The following KCNIP4 variants were observed in gnomAD, a reference collection of about 807,000 sequenced individuals.
The protein encoded by KCNIP4 is potassium voltage-gated channel interacting protein 4.
A neutral mutation model predicts 34.0 loss-of-function variants in KCNIP4; 12 were observed. The observed-to-expected ratio is 0.35, with a 90% CI of 0.23 to 0.57. The LOEUF (loss-of-function observed/expected upper bound fraction) is 0.57. KCNIP4 is among the 20% of genes least tolerant of loss of function. KCNIP4 has a pLI of 0.83. For missense variants in KCNIP4, 238 were observed against 311.7 expected (o/e 0.76, Z 1.78); for synonymous variants, 124 against 102.2 (o/e 1.21, Z -1.29).
intron 1 of KCNIP4, among the ~76,000 whole-genome samples, chr4:21,767,272 G>A (rs1809267): frequency 0.49 from 74,872 of 151,854 alleles, 20,389 homozygotes; most frequent in Non-Finnish European, 0.63. Flanking sequence ...GCCTTGTTGA[G>A]AGTGAGGGAG....
chr4:21,522,505 T>C (rs1187243083), intron 1 of KCNIP4, among the ~76,000 whole-genome samples: 1 of 152,016 alleles, frequency 6.6e-6, no homozygotes, highest in East Asian at 1.9e-4. Context: ...TGACTAAATG[T>C]GCATGCCACC....
intron 1 of KCNIP4, among the ~76,000 whole-genome samples, chr4:20,969,759 C>T (rs1419956339): frequency 1.4e-5 from 2 of 145,352 alleles, no homozygotes; most frequent in East Asian, 2.0e-4. Flanking sequence ...ATATTACACA[C>T]ATTTATAGAC....
intron 1 of KCNIP4, among the ~76,000 whole-genome samples, chr4:20,924,008 A>G (rs1323144988): frequency 1.3e-5 from 2 of 152,206 alleles, no homozygotes; most frequent in Non-Finnish European, 2.9e-5. Flanking sequence ...TATCCCATAC[A>G]GAGAGTACCA....
At chr4:21,196,323 C>G (rs1168703930) in intron 1 of KCNIP4, among the ~76,000 whole-genome samples, 1 of 152,138 alleles carries the variant, frequency 6.6e-6, no homozygotes, top group East Asian at 1.9e-4. Flanking sequence ...ATCTAATCAG[C>G]TTTGGCATAT....
intron 3 of KCNIP4, among the ~76,000 whole-genome samples, chr4:20,846,427 G>A (rs1186950846): frequency 3.3e-5 from 5 of 152,150 alleles, no homozygotes; most frequent in East Asian, 1.9e-4. Flanking sequence ...AACTGGTTTC[G>A]AAAGAGTGCA....
At chr4:21,766,546 G>A (rs537104341) in intron 1 of KCNIP4, among the ~76,000 whole-genome samples, 16 of 152,146 alleles carry the variant, frequency 1.1e-4, no homozygotes, top group Admixed American at 5.9e-4. Context: ...GAATTTCCTC[G>A]ACTGGTGAAC....
At chr4:21,881,902 C>A (rs1257636851) in intron 1 of KCNIP4, among the ~76,000 whole-genome samples, 1 of 152,082 alleles carries the variant, frequency 6.6e-6, no homozygotes, top group East Asian at 1.9e-4. Flanking sequence ...TGAGGACCTG[C>A]CACTCTCATT....
At chr4:21,716,012 TG>T (rs1379243053) in intron 1 of KCNIP4, among the ~76,000 whole-genome samples, 32 of 152,184 alleles carry the variant, frequency 2.1e-4, no homozygotes, top group Non-Finnish European at 1.3e-4. Context: ...TGGAAACACC[TG>T]GGATCTAAAT....
At chr4:20,796,839 A>G (rs1308303989) in intron 3 of KCNIP4, among the ~76,000 whole-genome samples, 1 of 152,204 alleles carries the variant, frequency 6.6e-6, no homozygotes, top group Non-Finnish European at 1.5e-5. Flanking sequence ...TGAATACTAA[A>G]CTTTTTCAAT....
chr4:20,920,071 C>A (rs1008520322), intron 1 of KCNIP4, among the ~76,000 whole-genome samples: 5 of 152,070 alleles, frequency 3.3e-5, no homozygotes, highest in East Asian at 1.9e-4. Flanking sequence ...ATTATTACAC[C>A]ATTCTTAAGT....
chr4:20,976,413 GTGGA>G (rs917000929), intron 1 of KCNIP4, among the ~76,000 whole-genome samples: 15 of 152,280 alleles, frequency 9.9e-5, no homozygotes, highest in African/African-American at 3.4e-4. Context: ...GCTCCTATTT[GTGGA>G]TGAAGAATGG....
At chr4:21,853,095 T>G (rs1724511779) in intron 1 of KCNIP4, 1 of 152,152 alleles carries the variant, frequency 6.6e-6, no homozygotes. Context: ...TCTCTATATT[T>G]GAAGAAATTG....
intron 1 of KCNIP4, among the ~76,000 whole-genome samples, chr4:21,504,465 C>CAAAAAAAAAAAAAAAAAAAAAA (rs376644707): frequency 5.9e-4 from 33 of 56,172 alleles, no homozygotes; most frequent in South Asian, 7.1e-4. Flanking sequence ...GACTCCAACT[C>CAAAAAAAAAAAAAAAAAAAAAA]AAAAAAAAAA....
At chr4:21,734,048 G>A (rs1313667085) in intron 1 of KCNIP4, among the ~76,000 whole-genome samples, 5 of 152,164 alleles carry the variant, frequency 3.3e-5, no homozygotes, top group African/African-American at 1.2e-4. Context: ...CTGCAGGACA[G>A]GGCGCTGGTA....
chr4:21,615,033 A>G (rs1744478563), intron 1 of KCNIP4, among the ~76,000 whole-genome samples: 1 of 152,158 alleles, frequency 6.6e-6, no homozygotes. Flanking sequence ...GTTGGCATCT[A>G]TGGGATAGGC....
intron 1 of KCNIP4, among the ~76,000 whole-genome samples, chr4:21,266,243 C>A (rs55797070): frequency 6.6e-6 from 1 of 152,068 alleles, no homozygotes; most frequent in African/African-American, 2.4e-5. Context: ...TGCAACTTTA[C>A]GAAGCGTACA....
intron 1 of KCNIP4, chr4:21,848,946 ATGTGTGTGTG>A (rs58096642): frequency 3.9e-5 from 5 of 128,446 alleles, no homozygotes; most frequent in African/African-American, 5.4e-5. Context: ...ATATACATAT[ATGTGTGTGTG>A]TGTGTGTGTG....
intron 3 of KCNIP4, among the ~76,000 whole-genome samples, chr4:20,821,326 T>C (rs990341542): frequency 1.3e-5 from 2 of 152,232 alleles, no homozygotes; most frequent in Non-Finnish European, 2.9e-5. Context: ...TGGAAATACC[T>C]GCCCTGTGCT....
chr4:21,726,898 T>C (rs1021037125), intron 1 of KCNIP4, among the ~76,000 whole-genome samples: 43 of 152,332 alleles, frequency 2.8e-4, no homozygotes, highest in Middle Eastern at 3.4e-3. Flanking sequence ...TCTGTAGATT[T>C]GGGAAAGTAG....
Sources: gnomAD v4.1 joint callset for allele counts (sites outside exome capture counted in the v4.1 genomes callset) on GRCh38, gnomAD v4.1.1 for gene constraint, MANE v1.5 for transcripts, NCBI Gene and HGNC (gene_info 2026-07-23, HGNC 2026-07-21) for gene names.